Variants in IGF1R observed in about 807,000 individuals in gnomAD.
IGF1R encodes the protein insulin-like growth factor 1 receptor.
A neutral mutation model predicts 144.6 loss-of-function variants in IGF1R; 44 were observed. That is an observed-to-expected ratio of 0.30 (90% CI 0.24 to 0.39). The LOEUF is 0.39. IGF1R is among the 10% of genes least tolerant of loss of function. The probability of loss-of-function intolerance (pLI) is 1.00; values close to 1 mark genes in which losing one functional copy is unlikely to be tolerated. For synonymous variants in IGF1R, 795 were observed against 722.8 expected, an observed-to-expected ratio of 1.10 and a Z score of -1.60; for missense variants, 1,355 against 1,833.7, an observed-to-expected ratio of 0.74 and a Z score of 4.77.
At chr15:98,805,048 G>A (rs1051917259) in intron 2 of IGF1R, among the ~76,000 whole-genome samples, 1 of 152,164 alleles carries the variant, frequency 6.6e-6, no homozygotes, top group Admixed American at 6.5e-5. Context: ...AAGAAGTACA[G>A]GATAATTATT....
At chr15:98,893,629 G>A (rs955321542) in intron 3 of IGF1R, 2 of 152,206 alleles carry the variant, frequency 1.3e-5, no homozygotes, top group African/African-American at 4.8e-5. Flanking sequence ...AACTCAGTGT[G>A]CTATCGTCTT....
At chr15:98,740,777 A>T (rs1376168755) in intron 2 of IGF1R, among the ~76,000 whole-genome samples, 1 of 152,242 alleles carries the variant, frequency 6.6e-6, no homozygotes. Flanking sequence ...GGATCCACAC[A>T]GTTTAAACAA....
chr15:98,897,753 C>CT (rs1314229831), intron 4 of IGF1R, among the ~76,000 whole-genome samples: 4 of 152,114 alleles, frequency 2.6e-5, no homozygotes, highest in African/African-American at 9.7e-5. Flanking sequence ...TTTTAAAAAT[C>CT]TTTTCACTTC....
chr15:98,687,901 A>C (rs2053369686), intron 1 of IGF1R, among the ~76,000 whole-genome samples: 1 of 152,196 alleles, frequency 6.6e-6, no homozygotes, highest in African/African-American at 2.4e-5. Flanking sequence ...CCTTGCTGGA[A>C]GCAGGGCTCC....
intron 15 of IGF1R, among the ~76,000 whole-genome samples, chr15:98,933,616 G>A (rs1369726290): frequency 1.3e-5 from 2 of 152,196 alleles, no homozygotes; most frequent in African/African-American, 2.4e-5. Flanking sequence ...ATGAGCCACC[G>A]CACACGGCCC....
At chr15:98,697,366 G>T (rs1273389882) in intron 1 of IGF1R, among the ~76,000 whole-genome samples, 1 of 152,218 alleles carries the variant, frequency 6.6e-6, no homozygotes, top group Non-Finnish European at 1.5e-5. Flanking sequence ...GTTGCATGCG[G>T]GCGTCCACCT....
intron 1 of IGF1R, among the ~76,000 whole-genome samples, chr15:98,667,463 C>T (rs979251170): frequency 5.9e-5 from 9 of 152,318 alleles, no homozygotes; most frequent in African/African-American, 1.9e-4. Flanking sequence ...CTAGAGGCTT[C>T]GCCTTACAGG....
intron 1 of IGF1R, among the ~76,000 whole-genome samples, chr15:98,697,828 C>T (rs1005646140): frequency 1.3e-4 from 9 of 71,706 alleles, no homozygotes; most frequent in African/African-American, 9.2e-4. Flanking sequence ...ACCTCTGCCT[C>T]CTGGGTTCAG....
intron 19 of IGF1R, 144 bp from the exon 20 acceptor site, chr15:98,948,430 G>T: frequency 1.2e-6 from 1 of 857,394 alleles, no homozygotes; most frequent in Middle Eastern, 3.4e-4. Context: ...ACTTAGCCCA[G>T]GGCCTGGCTC....
At chr15:98,842,816 A>G (rs1467725952) in intron 2 of IGF1R, among the ~76,000 whole-genome samples, 1 of 152,216 alleles carries the variant, frequency 6.6e-6, no homozygotes, top group Non-Finnish European at 1.5e-5. Flanking sequence ...GTATTCTGCT[A>G]TGAGCCTAAG....
chr15:98,674,075 CTG>C (rs1272910386), intron 1 of IGF1R, among the ~76,000 whole-genome samples: 49 of 152,318 alleles, frequency 3.2e-4, no homozygotes, highest in African/African-American at 1.1e-3. Flanking sequence ...TCTAGAGAAT[CTG>C]TGTCTTTAAA....
intron 2 of IGF1R, among the ~76,000 whole-genome samples, chr15:98,885,674 G>A (rs181881859): frequency 2.5e-4 from 38 of 152,330 alleles, no homozygotes; most frequent in African/African-American, 8.9e-4. Context: ...TGATTCAGAA[G>A]CTTTACCTTA....
At chr15:98,733,703 C>T (rs75795063) in intron 2 of IGF1R, among the ~76,000 whole-genome samples, 5,382 of 152,236 alleles carry the variant, frequency 0.035, 109 homozygotes, top group East Asian at 0.052. Flanking sequence ...CCTCCCCCCA[C>T]TGTAAGGTCT....
chr15:98,760,838 C>A (rs879590306), intron 2 of IGF1R, among the ~76,000 whole-genome samples: 1 of 152,188 alleles, frequency 6.6e-6, no homozygotes, highest in African/African-American at 2.4e-5. Context: ...ACCCATCCTT[C>A]GATACAGACC....
intron 2 of IGF1R, among the ~76,000 whole-genome samples, chr15:98,723,912 A>G (rs1322791146): frequency 6.6e-6 from 1 of 152,204 alleles, no homozygotes; most frequent in African/African-American, 2.4e-5. Context: ...CTCTCATCCT[A>G]CATAGTGTGC....
intron 6 of IGF1R, 29 bp from the exon 7 acceptor site, chr15:98,911,284 CTG>C (rs1323368186): frequency 3.2e-5 from 52 of 1,613,778 alleles, no homozygotes; most frequent in Non-Finnish European, 4.1e-5. Flanking sequence ...ACATGAATCT[CTG>C]TCACTCACGG....
chr15:98,934,078 A>G lies in IGF1R; in HGVS notation c.2957-746A>G, dbSNP rs115600203. Among the ~76,000 whole-genome samples, 401 of 152,260 alleles carry G rather than the reference A, an allele frequency of 2.6e-3. 1 individual carries two copies. Among genetic ancestry groups the G allele is most frequent in the African/African-American group, 9.1e-3 (379 of 41,546 alleles). ...CCAGTATATCCAAAATATCCATTTT[A>G]ACATGGAGTCAGTATTAAAGTTACC... On this transcript the variant is annotated intron_variant, in intron 15 of 20. Coordinates refer to ENST00000650285, the MANE Select transcript of IGF1R (RefSeq NM_000875.5).
At chr15:98,944,352 G>C (rs879930362) in intron 19 of IGF1R, among the ~76,000 whole-genome samples, 2 of 152,136 alleles carry the variant, frequency 1.3e-5, no homozygotes, top group African/African-American at 2.4e-5. Flanking sequence ...CTGTCCATTT[G>C]GCTACATAAC....
chr15:98,929,564 A>T lies in IGF1R; in HGVS notation c.2789A>T (p.Tyr930Phe). 1 of 1,613,256 alleles carries T rather than the reference A, an allele frequency of 6.2e-7. No individual in the cohort carries two copies. ...VFFYVQAKTG[Y>F]ENFIHLIIAL... ...TTCCTCCTCTTTGCTGCAGCAGGATATGAAAACTTCATCCATCTGATCATC... is the reference window on the plus strand; with the variant it reads ...TTCCTCCTCTTTGCTGCAGCAGGATTTGAAAACTTCATCCATCTGATCATC... The change falls in exon 14 of 21, where the codon TAT becomes TTT. Residue 930 changes from tyrosine to phenylalanine, a missense_variant. Tyr to Phe is a conservative substitution (Grantham distance 22, BLOSUM62 3). Coordinates refer to ENST00000650285, the MANE Select transcript of IGF1R (RefSeq NM_000875.5).
Sources: allele counts gnomAD v4.1 joint callset (sites outside exome capture counted in the v4.1 genomes callset), GRCh38; gene constraint gnomAD v4.1.1; transcripts MANE v1.5; gene names NCBI Gene and HGNC (gene_info 2026-07-23, HGNC 2026-07-21).